The following LRRIQ3 variants were observed in gnomAD, a reference collection of about 807,000 sequenced individuals.
The protein encoded by LRRIQ3 is leucine-rich repeat and IQ domain-containing protein 3.
Under a neutral mutation model 59.3 loss-of-function variants are expected in LRRIQ3, and 75 were observed. The ratio of observed to expected loss-of-function variants is 1.26; its 90% CI spans 1.05 to 1.53. The LOEUF (loss-of-function observed/expected upper bound fraction) is 1.53, where lower values mean the gene tolerates loss of function less well. LRRIQ3 is among the 40% of genes most tolerant of loss of function. LRRIQ3 has a pLI of 0.00. For synonymous variants in LRRIQ3, 250 were observed against 231.3 expected (o/e 1.08, Z -0.73); for missense variants, 831 against 710.0 (o/e 1.17, Z -1.94).
At chr1:74,082,746 G>A (rs933913427) in intron 5 of LRRIQ3, 1 of 151,302 alleles carries the variant, frequency 6.6e-6, no homozygotes, top group Non-Finnish European at 1.5e-5. Context: ...TATTAACAAA[G>A]TAGCTATATA....
At chr1:74,041,178 CT>C (rs746728048) in intron 7 of LRRIQ3, 34 bp downstream of exon 7, 3 of 1,450,352 alleles carry the variant, frequency 2.1e-6, no homozygotes, top group Middle Eastern at 2.5e-4. Flanking sequence ...ATGTAATTGA[CT>C]TTAATGCCTC....
chr1:74,182,422 TTA>T (rs1650036236), intron 3 of LRRIQ3, 114 bp downstream of exon 3: 1 of 548,642 alleles, frequency 1.8e-6, no homozygotes, highest in African/African-American at 2.0e-5. Flanking sequence ...TTATATTATT[TTA>T]TATAAATGAT....
At chr1:74,121,200 T>C (rs1471484167) in intron 4 of LRRIQ3, among the ~76,000 whole-genome samples, 3 of 152,202 alleles carry the variant, frequency 2.0e-5, no homozygotes, top group Admixed American at 6.6e-5. Flanking sequence ...TGTTTGCTTA[T>C]TGGTCTACAG....
intron 7 of LRRIQ3, among the ~76,000 whole-genome samples, chr1:74,028,697 G>A (rs940597391): frequency 6.6e-6 from 1 of 151,532 alleles, no homozygotes; most frequent in Non-Finnish European, 1.5e-5. Context: ...GGTTATTTAA[G>A]TTGTCTCTGT....
At chr1:74,075,812 C>T (rs1646200027) in intron 5 of LRRIQ3, among the ~76,000 whole-genome samples, 1 of 152,124 alleles carries the variant, frequency 6.6e-6, no homozygotes. Flanking sequence ...TCATCTCTTA[C>T]TGTATCTGCA....
At chr1:74,146,745 G>A (rs1647596642) in intron 4 of LRRIQ3, among the ~76,000 whole-genome samples, 2 of 152,272 alleles carry the variant, frequency 1.3e-5, no homozygotes, top group Admixed American at 1.3e-4. Context: ...TTGTTTATAG[G>A]ATCAAATGAG....
chr1:74,173,274 G>A (rs1190002373), intron 3 of LRRIQ3, among the ~76,000 whole-genome samples: 3 of 30,040 alleles, frequency 1.0e-4, no homozygotes, highest in East Asian at 8.1e-3. Context: ...TCCAGACTGG[G>A]CAAGAGTGAG....
chr1:74,178,105 G>A (rs1390756451), intron 3 of LRRIQ3, among the ~76,000 whole-genome samples: 1 of 151,748 alleles, frequency 6.6e-6, no homozygotes, highest in Non-Finnish European at 1.5e-5. Flanking sequence ...TGAAACTAAT[G>A]TTAAGTATTT....
At chr1:74,107,599 T>G (rs1353908082) in intron 5 of LRRIQ3, among the ~76,000 whole-genome samples, 2 of 149,120 alleles carry the variant, frequency 1.3e-5, no homozygotes, top group Non-Finnish European at 3.0e-5. Context: ...AATAATAAAA[T>G]AAGAATAATG....
intron 5 of LRRIQ3, among the ~76,000 whole-genome samples, chr1:74,101,154 ACT>A (rs1646525661): frequency 6.6e-6 from 1 of 152,150 alleles, no homozygotes; most frequent in African/African-American, 2.4e-5. Context: ...TTTGCAATCT[ACT>A]CATCTGACAA....
chr1:74,112,506 C>T (rs1284552237), intron 4 of LRRIQ3, among the ~76,000 whole-genome samples: 1 of 152,074 alleles, frequency 6.6e-6, no homozygotes, highest in Admixed American at 6.6e-5. Context: ...CTGGAAGGGG[C>T]CCCAACATAA....
chr1:74,044,412 A>G (rs1042024142), intron 6 of LRRIQ3, among the ~76,000 whole-genome samples: 3 of 152,108 alleles, frequency 2.0e-5, no homozygotes, highest in Non-Finnish European at 4.4e-5. Context: ...TGTTTAAAAA[A>G]GTCTGGCACC....
At chr1:74,115,981 G>T (rs1199441953) in intron 4 of LRRIQ3, among the ~76,000 whole-genome samples, 1 of 151,704 alleles carries the variant, frequency 6.6e-6, no homozygotes, top group Non-Finnish European at 1.5e-5. Flanking sequence ...TCAATACAAA[G>T]AACTAAAACA....
At chr1:74,179,699 G>A (rs1449490439) in intron 3 of LRRIQ3, among the ~76,000 whole-genome samples, 1 of 151,850 alleles carries the variant, frequency 6.6e-6, no homozygotes, top group African/African-American at 2.4e-5. Flanking sequence ...ACTTTGCTTA[G>A]TGGAAGTAAT....
intron 6 of LRRIQ3, among the ~76,000 whole-genome samples, chr1:74,049,480 G>T (rs1377915666): frequency 6.6e-6 from 1 of 152,136 alleles, no homozygotes; most frequent in Non-Finnish European, 1.5e-5. Context: ...GAAGTAGAAA[G>T]ATTTGGCATA....
At chr1:74,168,966 T>A (rs1278091925) in intron 3 of LRRIQ3, among the ~76,000 whole-genome samples, 1 of 152,200 alleles carries the variant, frequency 6.6e-6, no homozygotes, top group Non-Finnish European at 1.5e-5. Context: ...AATAAACTTT[T>A]AAGTTTACAA....
chr1:74,194,322 A>C (rs994940365), intron 1 of LRRIQ3, among the ~76,000 whole-genome samples: 2 of 152,208 alleles, frequency 1.3e-5, no homozygotes, highest in African/African-American at 4.8e-5. Context: ...CAGTCAGACT[A>C]GTACATGTGT....
At chr1:74,196,770 T>C (rs1651174609) in intron 1 of LRRIQ3, among the ~76,000 whole-genome samples, 2 of 152,148 alleles carry the variant, frequency 1.3e-5, no homozygotes, top group South Asian at 4.1e-4. Context: ...CTTCTCACCA[T>C]TCCCACTGCT....
At chr1:74,054,750 A>ATATC (rs1553162598) in intron 6 of LRRIQ3, among the ~76,000 whole-genome samples, 27 of 145,740 alleles carry the variant, frequency 1.9e-4, no homozygotes, top group Non-Finnish European at 2.1e-4. Context: ...ATATATATAT[A>ATATC]TATATATCTA....
Sources: allele counts gnomAD v4.1 joint callset (sites outside exome capture counted in the v4.1 genomes callset), GRCh38; gene constraint gnomAD v4.1.1; transcripts MANE v1.5; gene names NCBI Gene and HGNC (gene_info 2026-07-23, HGNC 2026-07-21).